The following DENND5A variants were observed in gnomAD, a reference collection of about 807,000 sequenced individuals.
The protein encoded by DENND5A is DENN domain-containing protein 5A.
DENND5A carries 64 observed loss-of-function variants against 140.3 expected under a neutral mutation model. The observed-to-expected ratio is 0.46, with a 90% CI of 0.37 to 0.56. The LOEUF is 0.56. DENND5A is among the 20% of genes least tolerant of loss of function. The pLI, the probability that DENND5A is intolerant of heterozygous loss-of-function variation, is 0.00. For missense variants in DENND5A, 1,292 were observed against 1,593.8 expected, an observed-to-expected ratio of 0.81 and a Z score of 3.22; for synonymous variants, 605 against 607.7, an observed-to-expected ratio of 1.00 and a Z score of 0.07.
chr11:9,199,271 G>A (rs192616468), intron 4 of DENND5A, among the ~76,000 whole-genome samples: 108 of 152,048 alleles, frequency 7.1e-4, no homozygotes, highest in African/African-American at 2.3e-3. Flanking sequence ...GCCAAGGAAG[G>A]TGGATTGCTT....
intron 1 of DENND5A, among the ~76,000 whole-genome samples, chr11:9,220,063 G>T (rs756490680): frequency 1.3e-5 from 2 of 152,012 alleles, no homozygotes; most frequent in African/African-American, 4.8e-5. Flanking sequence ...GTTTTGTTTT[G>T]TTTTTTCAAT....
rs764208843 is a variant in DENND5A, at chr11:9,193,534, T to A, written c.1097A>T (p.Asn366Ile). The change falls in exon 5 of 23, where the codon AAT (asparagine) becomes ATT (isoleucine). Residue 366 changes from asparagine to isoleucine, a missense_variant. By Grantham distance (149) the Asn-to-Ile change is moderately radical. This residue lies in a region of DENND5A where 566 missense variants were observed against 650.4 expected (regional missense o/e 0.87). Coordinates refer to ENST00000328194, the MANE Select transcript of DENND5A (RefSeq NM_015213.4). ...PVPYLMGLHSNGLDDRSKLEL... is the reference protein window; with the variant it reads ...PVPYLMGLHSIGLDDRSKLEL... The stretch of plus-strand genomic sequence containing the variant: ...CAGCTTTGACCGGTCATCCAGGCCA[T>A]TGGAATGCAAACCCATCAGGTATGG... 2 of 1,613,222 alleles carry A rather than the reference T, an allele frequency of 1.2e-6. No individual in the cohort carries two copies. Among genetic ancestry groups the A allele is most frequent in the Non-Finnish European group, 1.7e-6 (2 of 1,179,700 alleles).
At position 9,265,169 on chromosome 11, in the gene DENND5A, GCCGCTACCGCGGCTCGGGCCGCCGCCC is replaced by G; in HGVS notation, c.-127_-101del. 1 of 612,942 alleles carries G rather than the reference GCCGCTACCGCGGCTCGGGCCGCCGCCC, an allele frequency of 1.6e-6. No individual in the cohort carries two copies. The highest frequency in any genetic ancestry group is 2.0e-6 in the Non-Finnish European group (1 of 487,994). The allele number at this position is 612,942 out of a possible 1,614,324, so 38.0% of individuals were successfully genotyped here. A position where few individuals can be genotyped will look rare whatever the true frequency, so the allele number is the denominator to read the frequency against. On this transcript the variant is annotated 5_prime_UTR_variant, in exon 1 of 23. The change abolishes the stop of an existing upstream ORF in the 5' untranslated region. Transcript: ENST00000328194. This position sits in a 1 kb window ranked among gnomAD's most constrained non-coding sequence, Gnocchi z 4.7. ...CCCTCAGGCCGCCCCTCCCGCCGCC[GCCGCTACCGCGGCTCGGGCCGCCGCCC>G]CCGGCCCTGGCCCGGTCCCCTCGGC...
At chr11:9,144,528 T>C (rs575977385) in intron 18 of DENND5A, among the ~76,000 whole-genome samples, 14 of 152,210 alleles carry the variant, frequency 9.2e-5, no homozygotes, top group Non-Finnish European at 7.4e-5. Flanking sequence ...TGATGGCTCA[T>C]GCCTGTAATC....
intron 1 of DENND5A, among the ~76,000 whole-genome samples, chr11:9,255,150 G>A (rs893835325): frequency 6.6e-6 from 1 of 152,088 alleles, no homozygotes; most frequent in Middle Eastern, 3.2e-3. Flanking sequence ...AAAACCATGA[G>A]ATACCACTTA....
chr11:9,179,134 G>T, intron 6 of DENND5A, 61 bp from the exon 7 acceptor site: 1 of 1,427,140 alleles, frequency 7.0e-7, no homozygotes. Context: ...CCCAAGGAAT[G>T]CAATTCCTGA....
At chr11:9,140,140 TTC>T (rs750245697) in intron 22 of DENND5A, 711 of 1,433,008 alleles carry the variant, frequency 5.0e-4, no homozygotes, top group Non-Finnish European at 6.3e-4. Context: ...CTCCCAGAGC[TTC>T]TCTCCTCCCA....
intron 1 of DENND5A, among the ~76,000 whole-genome samples, chr11:9,242,251 C>T (rs1052616468): frequency 1.3e-5 from 2 of 152,038 alleles, no homozygotes; most frequent in Non-Finnish European, 2.9e-5. Context: ...TAGTAAATAA[C>T]GGGAACTCAG....
At chr11:9,174,102 C>CAAAAAAAAAAAAAAAAAAAA (rs57703622) in intron 8 of DENND5A, among the ~76,000 whole-genome samples, 1 of 42,148 alleles carries the variant, frequency 2.4e-5, no homozygotes, top group Non-Finnish European at 4.1e-5. Context: ...GACTCCGTCT[C>CAAAAAAAAAAAAAAAAAAAA]AAAAAAAAAA....
chr11:9,227,081 T>C (rs1850559313), intron 1 of DENND5A, among the ~76,000 whole-genome samples: 1 of 151,900 alleles, frequency 6.6e-6, no homozygotes, highest in Non-Finnish European at 1.5e-5. Flanking sequence ...AGCAGGAGAA[T>C]CGCTTGAACC....
intron 8 of DENND5A, among the ~76,000 whole-genome samples, chr11:9,174,276 T>C (rs564793465): frequency 3.3e-5 from 5 of 151,802 alleles, no homozygotes; most frequent in Non-Finnish European, 5.9e-5. Context: ...TAAATGTACA[T>C]GGTCTGAAGA....
chr11:9,170,857 A>C, intron 8 of DENND5A, 80 bp from the exon 9 acceptor site: 1 of 1,572,754 alleles, frequency 6.4e-7, no homozygotes, highest in Non-Finnish European at 8.6e-7. Flanking sequence ...AACATTCTTT[A>C]AGAATCTAGC....
intron 13 of DENND5A, 111 bp from the exon 14 acceptor site, chr11:9,150,875 G>A: frequency 1.7e-6 from 1 of 573,032 alleles, no homozygotes; most frequent in Non-Finnish European, 3.1e-6. Context: ...GGTTACACTG[G>A]TAACACTTTA....
intron 1 of DENND5A, among the ~76,000 whole-genome samples, chr11:9,255,353 G>A (rs1221495969): frequency 6.6e-6 from 1 of 152,152 alleles, no homozygotes; most frequent in Non-Finnish European, 1.5e-5. Context: ...CACTTTGGGA[G>A]GCCAAGTCGG....
At chr11:9,157,527 T>C (rs11042201) in intron 12 of DENND5A, among the ~76,000 whole-genome samples, 38,052 of 152,084 alleles carry the variant, frequency 0.25, 5,250 homozygotes, top group African/African-American at 0.36. Flanking sequence ...TGTTCCCTTC[T>C]TTGTGTCCAT....
intron 12 of DENND5A, among the ~76,000 whole-genome samples, chr11:9,155,458 C>T (rs1333544104): frequency 2.6e-5 from 4 of 152,186 alleles, no homozygotes; most frequent in Non-Finnish European, 4.4e-5. Context: ...GCCCCTGGCT[C>T]ACAATGTTTA....
At chr11:9,176,528 C>G (rs1040741513) in intron 8 of DENND5A, among the ~76,000 whole-genome samples, 1 of 152,034 alleles carries the variant, frequency 6.6e-6, no homozygotes, top group Non-Finnish European at 1.5e-5. Context: ...AACATCCCTA[C>G]ATGCTGGGTA....
At chr11:9,228,934 T>G (rs912581067) in intron 1 of DENND5A, among the ~76,000 whole-genome samples, 1 of 152,198 alleles carries the variant, frequency 6.6e-6, no homozygotes, top group Non-Finnish European at 1.5e-5. Context: ...TCCAGAGTTC[T>G]ATGAGCCATT....
At chr11:9,206,898 T>C (rs1849709413) in intron 2 of DENND5A, 116 bp from the exon 3 acceptor site, 1 of 708,100 alleles carries the variant, frequency 1.4e-6, no homozygotes, top group South Asian at 1.7e-5. Context: ...AGGGGGTTAG[T>C]ATGCCAACCA....
Sources: gnomAD v4.1 joint callset for allele counts (sites outside exome capture counted in the v4.1 genomes callset) on GRCh38, gnomAD v4.1.1 for gene constraint, gnomAD v4.1.1 regional missense constraint, Gnocchi (gnomAD v3.1) non-coding constraint, MANE v1.5 for transcripts, NCBI Gene and HGNC (gene_info 2026-07-23, HGNC 2026-07-21) for gene names.